YBEY: variants seen among roughly 807,000 people sequenced by gnomAD.
YBEY encodes the protein ybeY metalloendoribonuclease, also known as endoribonuclease YbeY.
In YBEY, 15 loss-of-function variants were observed where a neutral mutation model predicts 13.5. The ratio of observed to expected loss-of-function variants is 1.11; its 90% CI spans 0.75 to 1.72. The LOEUF (loss-of-function observed/expected upper bound fraction) is 1.72, where lower values mean the gene tolerates loss of function less well. Among genes scored for constraint, YBEY ranks in the 40% most tolerant of loss-of-function variants. YBEY has a pLI of 0.00. For synonymous variants in YBEY, 101 were observed against 83.1 expected (o/e 1.21, Z -1.17); for missense variants, 244 against 208.4 (o/e 1.17, Z -1.05).
At chr21:46,299,774 G>A (rs933294349), downstream of YBEY, among the ~76,000 whole-genome samples, 4 of 139,000 alleles carry the variant, frequency 2.9e-5, no homozygotes, top group African/African-American at 8.5e-5. Context: ...AGGCAAGGAG[G>A]TGTGGCCATG....
chr21:46,296,251 A>C (rs765208178), intron 4 of YBEY, 21 bp downstream of exon 4: 1 of 1,612,778 alleles, frequency 6.2e-7, no homozygotes, highest in Non-Finnish European at 8.5e-7. Context: ...CATCCATCCC[A>C]CTACCGAGGG....
Position 46,286,957 on chromosome 21 carries a change from G to A in YBEY, c.44G>A (p.Arg15Lys). The stretch of plus-strand genomic sequence containing the variant: ...AATCTGCAGCGAGTCATCCCCATCA[G>A]GAGAGCGCCACTTCGCAGTAAGATC... ...IRNLQRVIPI[R>K]RAPLRSKIEI... is the part of the protein sequence containing the mutation. Residue 15 changes from arginine (R) to lysine (K), a missense_variant, in exon 2 of 5, where the codon AGG becomes AAG. Physicochemically the swap from Arg to Lys is conservative, Grantham distance 26 (BLOSUM62 2). Coordinates refer to ENST00000397701, the MANE Select transcript of YBEY (RefSeq NM_001314025.2). 6.2e-7 allele frequency: 1 copy of A among 1,614,140 alleles called. No individual in the cohort carries two copies.
chr21:46,300,985 C>A, downstream of YBEY: 1 of 795,190 alleles, frequency 1.3e-6, no homozygotes, highest in Non-Finnish European at 1.7e-6. Context: ...GGGGAGTGAG[C>A]CGCCCTTCCA....
In YBEY at chr21:46,286,974, A is replaced by G. The variant is rs1268921893; in HGVS notation, c.61A>G (p.Ser21Gly). 2 of 1,614,170 alleles carry G rather than the reference A, an allele frequency of 1.2e-6. No individual in the cohort carries two copies. Among genetic ancestry groups the G allele is most frequent in the Admixed American group, 1.7e-5 (1 of 60,018 alleles). The change falls in exon 2 of 5, where the codon AGT becomes GGT. Residue 21 changes from serine to glycine, a missense_variant. Coordinates refer to ENST00000397701, the MANE Select transcript of YBEY (RefSeq NM_001314025.2). ...CCCCATCAGGAGAGCGCCACTTCGC[A>G]GTAAGATCGAGATTGTAAGGAGGAT... Reference protein sequence around the residue: ...VIPIRRAPLRSKIEIVRRILG... With the variant: ...VIPIRRAPLRGKIEIVRRILG...
At position 46,291,362 on chromosome 21, in the gene YBEY, C is replaced by T; in HGVS notation, c.239C>T (p.Pro80Leu). ...EHLKAGEFPQ[P>L]DFPDDYNLGD... is the part of the protein sequence containing the mutation. The stretch of plus-strand genomic sequence containing the variant: ...CTGAAAGCAGGTGAATTTCCCCAGC[C>T]TGATTTTCCAGATGACTACAATTTG... The change falls in exon 3 of 5, where the codon CCT becomes CTT. Residue 80 changes from proline (P) to leucine (L), a missense_variant. Physicochemically the swap from Pro to Leu is moderately conservative, Grantham distance 98 (BLOSUM62 -3). Coordinates refer to ENST00000397701, the MANE Select transcript of YBEY (RefSeq NM_001314025.2). The T allele has an allele frequency of 6.2e-7, 1 of 1,614,076 alleles. No individual in the cohort carries two copies. Among genetic ancestry groups the T allele is most frequent in the Admixed American group, 1.7e-5 (1 of 59,984 alleles).
intron 3 of YBEY, among the ~76,000 whole-genome samples, chr21:46,295,003 C>T (rs1049274070): frequency 7.2e-5 from 11 of 152,170 alleles, no homozygotes; most frequent in Non-Finnish European, 1.5e-4. Flanking sequence ...CATGCACACC[C>T]TGCTGGGGAA....
At chr21:46,311,771 C>T in the YBEY span, 6 of 400,620 alleles carry the variant, frequency 1.5e-5, no homozygotes, top group East Asian at 2.3e-4. Flanking sequence ...ACCCATCCAT[C>T]CACCCACCCA....
chr21:46,299,489 G>A (rs547930233), downstream of YBEY, among the ~76,000 whole-genome samples: 10 of 152,142 alleles, frequency 6.6e-5, no homozygotes, highest in East Asian at 5.8e-4. Flanking sequence ...CCAGAGTGTC[G>A]TCAGAGCAGG....
the YBEY span, among the ~76,000 whole-genome samples, chr21:46,309,461 CAAAAA>C: frequency 1.1e-5 from 1 of 90,290 alleles, no homozygotes; most frequent in Non-Finnish European, 2.2e-5. Context: ...GACTCCGTCT[CAAAAA>C]AAAAAAAAAA....
chr21:46,286,622 C>T (rs1198624345), intron 1 of YBEY: 22 of 240,174 alleles, frequency 9.2e-5, no homozygotes, highest in East Asian at 7.0e-4. Flanking sequence ...CGCGCGCACC[C>T]CCAACCCGCC....
At chr21:46,311,038 G>GT in the YBEY span, among the ~76,000 whole-genome samples, 1 of 151,466 alleles carries the variant, frequency 6.6e-6, no homozygotes, top group Non-Finnish European at 1.5e-5. Context: ...TGGTGAGCTG[G>GT]TTTTTGTATT....
At chr21:46,301,979 A>G, downstream of YBEY, 1 of 1,503,814 alleles carries the variant, frequency 6.6e-7, no homozygotes. Flanking sequence ...TGCCCCGGCC[A>G]GGGTCTCTGT....
the YBEY span, among the ~76,000 whole-genome samples, chr21:46,312,507 C>T: frequency 1.1e-4 from 16 of 152,020 alleles, 1 homozygote; most frequent in Non-Finnish European, 1.8e-4. Context: ...TTAGTATAGA[C>T]GGGGTTTCAC....
At chr21:46,303,721 ATATATATATATATATATATATATATTTT>A in the YBEY span, among the ~76,000 whole-genome samples, 8 of 22,050 alleles carry the variant, frequency 3.6e-4, no homozygotes, top group South Asian at 4.5e-3. Context: ...ATATATATAT[ATATATATATATATATATATATATATTTT>A]TTTTTTTTTT....
the YBEY span, among the ~76,000 whole-genome samples, chr21:46,312,668 C>T: frequency 2.0e-5 from 3 of 152,172 alleles, no homozygotes; most frequent in Non-Finnish European, 4.4e-5. Context: ...CCATGCCCGG[C>T]CTGGTCAGTC....
chr21:46,301,708 G>A (rs1057446815), downstream of YBEY: 92 of 1,174,300 alleles, frequency 7.8e-5, no homozygotes, highest in African/African-American at 1.9e-4. Context: ...GTGGGCCGGC[G>A]CCGCCCTACA....
chr21:46,301,354 C>G (rs1419235701), downstream of YBEY: 1 of 466,038 alleles, frequency 2.1e-6, no homozygotes, highest in Admixed American at 6.4e-5. Context: ...GCTATGTGAC[C>G]CAGGCTGGTC....
At chr21:46,291,778 C>T in intron 3 of YBEY, 5 of 1,095,816 alleles carry the variant, frequency 4.6e-6, no homozygotes, top group Non-Finnish European at 5.6e-6. Context: ...TTCTGAGCTG[C>T]CAGAAGTACA....
chr21:46,291,871 C>A, intron 3 of YBEY: 1 of 1,027,980 alleles, frequency 9.7e-7, no homozygotes, highest in Non-Finnish European at 1.2e-6. Flanking sequence ...ACTGCACAGA[C>A]AAAACCAATT....
Sources: allele counts gnomAD v4.1 joint callset (sites outside exome capture counted in the v4.1 genomes callset), GRCh38; gene constraint gnomAD v4.1.1; transcripts MANE v1.5; gene names NCBI Gene and HGNC (gene_info 2026-07-23, HGNC 2026-07-21).